The following TANGO6 variants were observed in gnomAD, a reference collection of about 807,000 sequenced individuals.
The protein encoded by TANGO6 is transport and golgi organization 6 homolog, also known as transport and Golgi organization protein 6 homolog.
TANGO6 carries 90 observed loss-of-function variants against 114.2 expected under a neutral mutation model. That is an observed-to-expected ratio of 0.79 (90% CI 0.66 to 0.94). TANGO6 has a LOEUF of 0.94. Ranked by LOEUF, TANGO6 falls within the 40% of genes least tolerant of loss-of-function variation. The probability of loss-of-function intolerance (pLI) is 0.00; values close to 1 mark genes in which losing one functional copy is unlikely to be tolerated. For synonymous variants in TANGO6, 477 were observed against 509.8 expected (o/e 0.94, Z 0.87); for missense variants, 1,274 against 1,315.3 (o/e 0.97, Z 0.49).
At chr16:69,006,621 C>G (rs981815106) in intron 15 of TANGO6, among the ~76,000 whole-genome samples, 3 of 151,796 alleles carry the variant, frequency 2.0e-5, no homozygotes, top group African/African-American at 7.3e-5. Context: ...CATGGTGGCA[C>G]GCGCCTGTAA....
At chr16:68,899,876 G>C (rs904296853) in intron 7 of TANGO6, among the ~76,000 whole-genome samples, 2 of 152,078 alleles carry the variant, frequency 1.3e-5, no homozygotes, top group African/African-American at 4.8e-5. Flanking sequence ...TGGGATTACA[G>C]ACATGAGCCA....
chr16:69,008,345 G>GCAT (rs1964114055), intron 15 of TANGO6, among the ~76,000 whole-genome samples: 1 of 152,002 alleles, frequency 6.6e-6, no homozygotes. Context: ...TTTGCTTTTG[G>GCAT]CATCATATGT....
intron 15 of TANGO6, among the ~76,000 whole-genome samples, chr16:69,007,561 G>C (rs942378728): frequency 6.6e-6 from 1 of 151,910 alleles, no homozygotes; most frequent in Non-Finnish European, 1.5e-5. Flanking sequence ...CACTGTGCCC[G>C]GCCTGGATAT....
chr16:69,081,261 C>T (rs550548079), intron 17 of TANGO6, among the ~76,000 whole-genome samples: 117 of 152,114 alleles, frequency 7.7e-4, no homozygotes, highest in Non-Finnish European at 1.5e-3. Context: ...GGCAAAAAGC[C>T]CTGGACCAGA....
rs1179912655 is a variant in TANGO6 at position 68,843,685 on chromosome 16, C to T, written c.68C>T (p.Ala23Val). The change falls in exon 1 of 18, where the codon GCA becomes GTA. Residue 23 changes from alanine (A) to valine (V), a missense_variant. Around this residue, in one of 5 missense-constraint regions of TANGO6, gnomAD observed 114 missense variants for 104.6 expected, o/e 1.09. Coordinates refer to ENST00000261778, the MANE Select transcript of TANGO6 (RefSeq NM_024562.2). ...TGCGGTCTGGATCGGATTTTGGAGGCATTGAAGCTGCTGCTGAGCCCGGGA... is the reference window on the plus strand; with the variant it reads ...TGCGGTCTGGATCGGATTTTGGAGGTATTGAAGCTGCTGCTGAGCCCGGGA... The part of the protein sequence containing the change: ...ETCGLDRILE[A>V]LKLLLSPGGS... The T allele has an allele frequency of 6.2e-7, 1 of 1,613,720 alleles. No individual in the cohort carries two copies. Among genetic ancestry groups the T allele is most frequent in the East Asian group, 2.2e-5 (1 of 44,858 alleles).
intron 1 of TANGO6, among the ~76,000 whole-genome samples, chr16:68,850,733 A>G (rs919938527): frequency 3.9e-5 from 6 of 152,224 alleles, no homozygotes; most frequent in African/African-American, 9.6e-5. Context: ...GCCATAGACT[A>G]TATGTAAATG....
At chr16:68,868,492 A>ATTTTTTTTTT (rs765054621) in intron 4 of TANGO6, among the ~76,000 whole-genome samples, 11 of 93,682 alleles carry the variant, frequency 1.2e-4, no homozygotes, top group African/African-American at 2.2e-4. Flanking sequence ...CTATATTTCT[A>ATTTTTTTTTT]TTTTTTTTTT....
intron 15 of TANGO6, among the ~76,000 whole-genome samples, chr16:69,015,359 T>TA (rs1959275687): frequency 2.0e-5 from 3 of 152,238 alleles, no homozygotes; most frequent in African/African-American, 7.2e-5. Context: ...GCTGACCAGG[T>TA]ACAATGCAGG....
chr16:68,874,178 C>T (rs2152166698), intron 4 of TANGO6, among the ~76,000 whole-genome samples: 1 of 152,322 alleles, frequency 6.6e-6, no homozygotes, highest in South Asian at 2.1e-4. Context: ...TTGGAACTCT[C>T]TCTACATGTA....
At chr16:69,015,873 A>T (rs1270353248) in intron 15 of TANGO6, among the ~76,000 whole-genome samples, 1 of 152,096 alleles carries the variant, frequency 6.6e-6, no homozygotes, top group Non-Finnish European at 1.5e-5. Context: ...TAATATAGTG[A>T]TATGCTCTTG....
chr16:68,947,460 A>C (rs553093055), intron 14 of TANGO6, among the ~76,000 whole-genome samples: 9 of 152,270 alleles, frequency 5.9e-5, no homozygotes, highest in Admixed American at 2.0e-4. Flanking sequence ...CTCAAAAAAA[A>C]AATTAAAAAG....
chr16:68,931,499 TCAAA>T (rs1567542871), intron 14 of TANGO6, among the ~76,000 whole-genome samples: 1 of 152,184 alleles, frequency 6.6e-6, no homozygotes, highest in African/African-American at 2.4e-5. Context: ...TGGAAATAGC[TCAAA>T]CAACCATCAG....
At chr16:68,914,750 T>C (rs1375987623) in intron 11 of TANGO6, among the ~76,000 whole-genome samples, 1 of 151,946 alleles carries the variant, frequency 6.6e-6, no homozygotes, top group Non-Finnish European at 1.5e-5. Context: ...AAATGTATAG[T>C]AGGGGGAGGA....
At chr16:68,977,897 G>C (rs949921513) in intron 15 of TANGO6, among the ~76,000 whole-genome samples, 10 of 151,920 alleles carry the variant, frequency 6.6e-5, no homozygotes, top group Non-Finnish European at 1.2e-4. Context: ...TGTTGGACAG[G>C]CCGGTCTCGA....
intron 12 of TANGO6, among the ~76,000 whole-genome samples, chr16:68,924,460 C>T (rs766061785): frequency 6.6e-6 from 1 of 151,070 alleles, no homozygotes; most frequent in Non-Finnish European, 1.5e-5. Context: ...GCACTCCAGC[C>T]TGGGCAACAA....
At chr16:68,916,384 A>G (rs1963005796) in intron 11 of TANGO6, among the ~76,000 whole-genome samples, 2 of 152,092 alleles carry the variant, frequency 1.3e-5, no homozygotes, top group African/African-American at 4.8e-5. Context: ...CGCAGTCCTT[A>G]TGAGAATCTA....
chr16:69,071,104 C>A (rs1232989958), intron 17 of TANGO6, among the ~76,000 whole-genome samples: 1 of 152,114 alleles, frequency 6.6e-6, no homozygotes, highest in Non-Finnish European at 1.5e-5. Flanking sequence ...TTTAGGAATG[C>A]CTTTGTTCCC....
In TANGO6 at chr16:68,920,974, G is replaced by A. The variant is rs568566275; in HGVS notation, c.2127+1755G>A. On this transcript the variant is annotated intron_variant, in intron 12 of 17. Transcript: ENST00000261778. Reference sequence around the variant, plus strand: ...TAAAAATACAAAAAAAAGGTGGCGGGTGCCTGTAGTCCCAGCTACTCGGGA... The same window carrying A: ...TAAAAATACAAAAAAAAGGTGGCGGATGCCTGTAGTCCCAGCTACTCGGGA... Among the ~76,000 whole-genome samples the A allele has an allele frequency of 1.5e-3, 234 of 151,302 alleles. 1 individual carries two copies. The highest frequency in any genetic ancestry group is 5.4e-3 in the African/African-American group (223 of 41,320).
chr16:69,054,669 C>T (rs1198748402), intron 17 of TANGO6, among the ~76,000 whole-genome samples: 8 of 151,906 alleles, frequency 5.3e-5, no homozygotes, highest in Non-Finnish European at 1.0e-4. Context: ...CGTGGTGGCT[C>T]AAGCCTGTAA....
Sources: gnomAD v4.1 joint callset for allele counts (sites outside exome capture counted in the v4.1 genomes callset) on GRCh38, gnomAD v4.1.1 for gene constraint, gnomAD v4.1.1 regional missense constraint, MANE v1.5 for transcripts, NCBI Gene and HGNC (gene_info 2026-07-23, HGNC 2026-07-21) for gene names.